GRIK1: variants seen among roughly 807,000 people sequenced by gnomAD.
GRIK1 encodes the protein glutamate receptor ionotropic, kainate 1.
A neutral mutation model predicts 105.7 loss-of-function variants in GRIK1; 69 were observed. The observed-to-expected ratio is 0.65, with a 90% CI of 0.54 to 0.80. GRIK1 has a LOEUF of 0.80. Among genes scored for constraint, GRIK1 ranks in the 30% least tolerant of loss-of-function variants. The probability of loss-of-function intolerance (pLI) is 0.00; values close to 1 mark genes in which losing one functional copy is unlikely to be tolerated. For synonymous variants in GRIK1, 438 were observed against 431.3 expected (o/e 1.02, Z -0.19); for missense variants, 1,109 against 1,167.3 (o/e 0.95, Z 0.73).
intron 1 of GRIK1, among the ~76,000 whole-genome samples, chr21:29,937,553 G>A (rs899330790): frequency 8.5e-5 from 13 of 152,282 alleles, no homozygotes; most frequent in African/African-American, 2.9e-4. Flanking sequence ...GAACAAATAT[G>A]TCTTAAAGCA....
At chr21:29,665,735 G>A (rs748984285) in intron 4 of GRIK1, among the ~76,000 whole-genome samples, 1 of 152,226 alleles carries the variant, frequency 6.6e-6, no homozygotes, top group Admixed American at 6.5e-5. Flanking sequence ...CTGAGTTGAA[G>A]AGGCATCAAC....
chr21:29,830,018 A>G (rs566941850), intron 1 of GRIK1, among the ~76,000 whole-genome samples: 2 of 152,286 alleles, frequency 1.3e-5, no homozygotes, highest in South Asian at 4.1e-4. Flanking sequence ...AGAAACACCT[A>G]CTTTCACACA....
intron 16 of GRIK1, among the ~76,000 whole-genome samples, chr21:29,546,658 G>A (rs1261165549): frequency 3.3e-5 from 5 of 152,188 alleles, no homozygotes; most frequent in African/African-American, 1.2e-4. Context: ...CATTATCTCT[G>A]TTTCTCCAAC....
chr21:29,923,217 G>A (rs759302098), intron 1 of GRIK1, among the ~76,000 whole-genome samples: 53 of 152,180 alleles, frequency 3.5e-4, no homozygotes, highest in South Asian at 1.0e-3. Flanking sequence ...AGGCCCTAGA[G>A]AAGTTCTTTT....
chr21:29,705,627 G>A (rs748697901), intron 1 of GRIK1, among the ~76,000 whole-genome samples: 11 of 152,170 alleles, frequency 7.2e-5, no homozygotes, highest in Non-Finnish European at 1.5e-4. Flanking sequence ...TTCTTGATCA[G>A]AAATAAAACC....
rs779508774 is a variant in GRIK1, at chr21:29,591,201, C to T, written c.1276G>A (p.Gly426Arg). 1.2e-6 allele frequency: 2 copies of T among 1,605,440 alleles called. No individual in the cohort carries two copies. Among genetic ancestry groups the T allele is most frequent in the Admixed American group, 3.3e-5 (2 of 59,710 alleles). ...TTGTTGCTGTCCGTCATGTTAAGCC[C>T]ACTGTTGGAATTCCAAATCCCAATC... ...KKIGIWNSNSGLNMTDSNKDK... is the reference protein window; with the variant it reads ...KKIGIWNSNSRLNMTDSNKDK... Residue 426 changes from glycine to arginine, a missense_variant, in exon 10 of 18, where the codon GGG (glycine) becomes AGG (arginine). This residue lies in a region of GRIK1 where 612 missense variants were observed against 586.0 expected (regional missense o/e 1.04). Transcript: ENST00000327783.
chr21:29,632,624 CAT>C (rs145147376), intron 7 of GRIK1, among the ~76,000 whole-genome samples: 3,227 of 152,102 alleles, frequency 0.021, 47 homozygotes, highest in South Asian at 0.035. Flanking sequence ...GTAAATTAAA[CAT>C]GTGTGCACCT....
intron 4 of GRIK1, among the ~76,000 whole-genome samples, chr21:29,666,528 G>T (rs1420669530): frequency 6.6e-6 from 1 of 152,056 alleles, no homozygotes; most frequent in East Asian, 1.9e-4. Context: ...GTCTCTTTTT[G>T]CCTTAATCGG....
At chr21:29,751,612 TA>T (rs2065203942) in intron 1 of GRIK1, among the ~76,000 whole-genome samples, 1 of 152,206 alleles carries the variant, frequency 6.6e-6, no homozygotes, top group South Asian at 2.1e-4. Flanking sequence ...GCATGCTCCA[TA>T]AGTCCTTCTT....
intron 1 of GRIK1, among the ~76,000 whole-genome samples, chr21:29,712,083 TACACACACACACAC>T (rs56017389): frequency 0.043 from 5,884 of 135,366 alleles, 192 homozygotes; most frequent in Admixed American, 0.099. Context: ...TATACATACA[TACACACACACACAC>T]ACACACACAC....
At chr21:29,760,364 T>A (rs1009102286) in intron 1 of GRIK1, 4 of 152,226 alleles carry the variant, frequency 2.6e-5, no homozygotes, top group Admixed American at 6.5e-5. Flanking sequence ...TCATTGCACA[T>A]CAGACACAAA....
At chr21:29,727,035 A>G (rs890109429) in intron 1 of GRIK1, among the ~76,000 whole-genome samples, 2 of 152,044 alleles carry the variant, frequency 1.3e-5, no homozygotes, top group Admixed American at 1.3e-4. Context: ...TTCCAGGCTC[A>G]AGCGATCCTT....
chr21:29,745,693 G>T (rs1028436347), intron 1 of GRIK1, among the ~76,000 whole-genome samples: 3 of 152,154 alleles, frequency 2.0e-5, no homozygotes, highest in Admixed American at 6.5e-5. Context: ...GCCTGAATCT[G>T]GTATTTTGTG....
chr21:29,581,282 C>T (rs984596326), intron 13 of GRIK1, 143 bp downstream of exon 13: 22 of 628,268 alleles, frequency 3.5e-5, no homozygotes, highest in Middle Eastern at 4.4e-4. Flanking sequence ...TCTTCAAAAC[C>T]GGCTAGAAAG....
At chr21:29,804,990 G>A (rs919437195) in intron 1 of GRIK1, among the ~76,000 whole-genome samples, 1 of 152,096 alleles carries the variant, frequency 6.6e-6, no homozygotes, top group African/African-American at 2.4e-5. Context: ...GCAAGCTGAT[G>A]TGATGGAGTG....
intron 1 of GRIK1, among the ~76,000 whole-genome samples, chr21:29,790,463 CTTT>C (rs111328335): frequency 1.4e-5 from 2 of 145,684 alleles, no homozygotes; most frequent in African/African-American, 2.5e-5. Flanking sequence ...TTCTTTCTTT[CTTT>C]TTTTTTTTTG....
intron 1 of GRIK1, among the ~76,000 whole-genome samples, chr21:29,695,751 G>C (rs1241834504): frequency 6.6e-6 from 1 of 152,116 alleles, no homozygotes; most frequent in Admixed American, 6.6e-5. Flanking sequence ...GGGATTACAG[G>C]CATGAGCCAC....
At chr21:29,751,850 C>T (rs899381470) in intron 1 of GRIK1, among the ~76,000 whole-genome samples, 1 of 152,158 alleles carries the variant, frequency 6.6e-6, no homozygotes, top group African/African-American at 2.4e-5. Context: ...TTTGCCATTC[C>T]AATTCCACTT....
intron 1 of GRIK1, among the ~76,000 whole-genome samples, chr21:29,863,761 A>G (rs1379655829): frequency 1.3e-5 from 2 of 152,066 alleles, no homozygotes; most frequent in Non-Finnish European, 2.9e-5. Context: ...AAACTATTTT[A>G]TGTTTTTGCG....
Sources: allele counts gnomAD v4.1 joint callset (sites outside exome capture counted in the v4.1 genomes callset), GRCh38; gene constraint gnomAD v4.1.1; regional missense constraint gnomAD v4.1.1; transcripts MANE v1.5; gene names NCBI Gene and HGNC (gene_info 2026-07-23, HGNC 2026-07-21).